The following ARHGAP6 variants were observed in gnomAD, a reference collection of about 807,000 sequenced individuals.
ARHGAP6 encodes the protein Rho GTPase activating protein 6.
ARHGAP6 carries 16 observed loss-of-function variants against 55.7 expected under a neutral mutation model. That is an observed-to-expected ratio of 0.29 (90% CI 0.19 to 0.44). The LOEUF (loss-of-function observed/expected upper bound fraction) is 0.44. ARHGAP6 is among the 20% of genes least tolerant of loss of function. The probability of loss-of-function intolerance (pLI) is 1.00; values close to 1 mark genes in which losing one functional copy is unlikely to be tolerated. For missense variants in ARHGAP6, 698 were observed against 808.9 expected (o/e 0.86, Z 1.66); for synonymous variants, 382 against 360.9 (o/e 1.06, Z -0.66).
chrX:11,259,180 C>T (rs745327893), intron 1 of ARHGAP6, among the ~76,000 whole-genome samples: 1 of 111,584 alleles, frequency 9.0e-6, no homozygotes, highest in East Asian at 2.8e-4. Flanking sequence ...CTTCTACTCT[C>T]TATCCATGAG....
chrX:11,652,395 A>T (rs2052593470), intron 1 of ARHGAP6, among the ~76,000 whole-genome samples: 1 of 112,280 alleles, frequency 8.9e-6, no homozygotes, highest in South Asian at 3.7e-4. Flanking sequence ...TCCTTCAACA[A>T]ACCCAACAAA....
At chrX:11,496,959 GTGGTGACTATTT>G (rs1239765554) in intron 1 of ARHGAP6, among the ~76,000 whole-genome samples, 2 of 111,886 alleles carry the variant, frequency 1.8e-5, no homozygotes, top group Non-Finnish European at 3.8e-5. Context: ...CCTACAAGTT[GTGGTGACTATTT>G]TGGTGACTTT....
intron 1 of ARHGAP6, among the ~76,000 whole-genome samples, chrX:11,538,849 G>GTT (rs34683200): frequency 2.8e-4 from 24 of 86,187 alleles, no homozygotes; most frequent in African/African-American, 8.8e-4. Flanking sequence ...TGTGTGTGTG[G>GTT]TTTTTTTTTT....
intron 1 of ARHGAP6, among the ~76,000 whole-genome samples, chrX:11,260,762 T>C (rs1464812079): frequency 8.9e-6 from 1 of 112,124 alleles, no homozygotes. Flanking sequence ...ACATAATTCT[T>C]AGCTTGCAAG....
At chrX:11,238,927 G>A (rs780097180) in intron 2 of ARHGAP6, among the ~76,000 whole-genome samples, 1 of 111,857 alleles carries the variant, frequency 8.9e-6, no homozygotes, top group South Asian at 3.8e-4. Context: ...ATAAATGTTT[G>A]TTATTTGAAA....
chrX:11,197,658 A>G (rs2046558699), intron 2 of ARHGAP6, among the ~76,000 whole-genome samples: 1 of 112,378 alleles, frequency 8.9e-6, no homozygotes, highest in Non-Finnish European at 1.9e-5. Flanking sequence ...CCATTCCTCC[A>G]TTGATGAACA....
At position 11,307,224 on chromosome X, in the gene ARHGAP6, G is replaced by A. The variant is rs375818954; in HGVS notation, c.589-52517C>T. Among the ~76,000 whole-genome samples, 16 of 110,690 alleles carry A rather than the reference G, an allele frequency of 1.4e-4. No homozygotes were observed. In the East Asian group the frequency reaches 3.7e-3, roughly 25 times the overall value. ...ACAGCCCACTGAACACACACTCAAC[G>A]CATACAGAAAGCCCATTTCAAGCAG... On this transcript the variant is annotated intron_variant, in intron 1 of 12. Transcript: ENST00000337414.
chrX:11,357,238 A>G (rs187719377), intron 1 of ARHGAP6, among the ~76,000 whole-genome samples: 1 of 111,923 alleles, frequency 8.9e-6, no homozygotes, highest in African/African-American at 3.2e-5. Flanking sequence ...CCCAAACTGC[A>G]TTGAATTGGG....
rs2051383347 is a variant in ARHGAP6 at position 11,561,431 on chromosome X, G to A, written c.588+102810C>T. Among the ~76,000 whole-genome samples, 3 of 111,744 alleles carry A rather than the reference G, an allele frequency of 2.7e-5. No homozygotes were observed. In the South Asian group the frequency reaches 1.1e-3, roughly 42 times the overall value. ...TTCAGAAACGTGCATGCTTATAAAT[G>A]CATACAATAACGCAGGAAGAATGGA... On this transcript the variant is annotated intron_variant, in intron 1 of 12. Transcript: ENST00000337414.
At chrX:11,266,098 T>TGAGA (rs768420445) in intron 1 of ARHGAP6, 1 of 207,445 alleles carries the variant, frequency 4.8e-6, no homozygotes, top group Non-Finnish European at 6.2e-6. Flanking sequence ...AGAGAGAGGG[T>TGAGA]GAGAGAGAGA....
At chrX:11,654,459 C>T (rs940092768) in intron 1 of ARHGAP6, among the ~76,000 whole-genome samples, 1 of 111,912 alleles carries the variant, frequency 8.9e-6, no homozygotes, top group Non-Finnish European at 1.9e-5. Flanking sequence ...CAGCATTCTC[C>T]TCTTGGATCC....
chrX:11,277,833 T>G (rs1289130276), intron 1 of ARHGAP6, among the ~76,000 whole-genome samples: 1 of 111,724 alleles, frequency 9.0e-6, no homozygotes, highest in African/African-American at 3.3e-5. Context: ...TTTTACTTGT[T>G]AAAGTACAGT....
chrX:11,337,074 G>A (rs187705514), intron 1 of ARHGAP6, among the ~76,000 whole-genome samples: 15 of 110,336 alleles, frequency 1.4e-4, no homozygotes, highest in Non-Finnish European at 1.5e-4. Context: ...AATGGGTTCC[G>A]AGATTGCATC....
At chrX:11,167,077 T>C (rs1020473672) in intron 9 of ARHGAP6, among the ~76,000 whole-genome samples, 2 of 112,112 alleles carry the variant, frequency 1.8e-5, no homozygotes, top group South Asian at 7.4e-4. Context: ...CTTGGTAATA[T>C]GGAAATCATA....
chrX:11,579,877 C>T (rs1266443856), intron 1 of ARHGAP6, among the ~76,000 whole-genome samples: 1 of 112,035 alleles, frequency 8.9e-6, no homozygotes, highest in Non-Finnish European at 1.9e-5. Flanking sequence ...GAGACAAAAT[C>T]TCCCCCAAGG....
intron 1 of ARHGAP6, among the ~76,000 whole-genome samples, chrX:11,514,161 CAAAAAAAAAAA>C (rs1156613318): frequency 1.4e-4 from 5 of 35,778 alleles, no homozygotes; most frequent in Admixed American, 4.9e-4. Context: ...AACCCTGTCT[CAAAAAAAAAAA>C]AAAAAAAAAA....
intron 10 of ARHGAP6, among the ~76,000 whole-genome samples, chrX:11,147,954 C>T (rs1398467018): frequency 5.4e-5 from 6 of 111,992 alleles, no homozygotes; most frequent in Non-Finnish European, 9.4e-5. Context: ...TGGCTAAAAC[C>T]CATCATTGTG....
In ARHGAP6 at chrX:11,174,561, CCTTCCTTCCTTCCTTTCTTT is replaced by C. The variant is rs1163217666; in HGVS notation, c.1629+3519_1629+3538del. Among the ~76,000 whole-genome samples the C allele has an allele frequency of 2.2e-3, 163 of 75,121 alleles. 2 individuals carry two copies. Among genetic ancestry groups the C allele is most frequent in the African/African-American group, 5.8e-3 (105 of 18,172 alleles). The allele number at this position is 75,121 out of a possible 115,157, so 65.2% of individuals were successfully genotyped here. ...TCCTTCCTTCCTTCCTTCCTTCCTT[CCTTCCTTCCTTCCTTTCTTT>C]CTTTCTTTCTTTTTCTTTCTTTCTT... is the stretch of plus-strand genomic sequence containing the variant. On this transcript the variant is annotated intron_variant, in intron 8 of 12. Coordinates refer to ENST00000337414, the MANE Select transcript of ARHGAP6 (RefSeq NM_013427.3).
chrX:11,540,279 A>G (rs2051145119), intron 1 of ARHGAP6, among the ~76,000 whole-genome samples: 1 of 110,229 alleles, frequency 9.1e-6, no homozygotes, highest in African/African-American at 3.3e-5. Context: ...AAAGAAAAAA[A>G]AAAAAAAACC....
Sources: gnomAD v4.1 joint callset for allele counts (sites outside exome capture counted in the v4.1 genomes callset) on GRCh38, gnomAD v4.1.1 for gene constraint, MANE v1.5 for transcripts, NCBI Gene and HGNC (gene_info 2026-07-23, HGNC 2026-07-21) for gene names.